The following NRG1 variants were observed in gnomAD, a reference collection of about 807,000 sequenced individuals.
NRG1 encodes the protein pro-neuregulin-1, membrane-bound isoform.
Under a neutral mutation model 63.8 loss-of-function variants are expected in NRG1, and 18 were observed. That is an observed-to-expected ratio of 0.28 (90% CI 0.19 to 0.42). The LOEUF is 0.42. NRG1 is among the 10% of genes least tolerant of loss of function. NRG1 has a pLI of 1.00. For synonymous variants in NRG1, 302 were observed against 301.3 expected, an observed-to-expected ratio of 1.00 and a Z score of -0.02; for missense variants, 762 against 814.7, an observed-to-expected ratio of 0.94 and a Z score of 0.79.
At chr8:32,372,571 C>T (rs566882154) in intron 1 of NRG1, among the ~76,000 whole-genome samples, 9 of 151,878 alleles carry the variant, frequency 5.9e-5, no homozygotes, top group Non-Finnish European at 7.4e-5. Flanking sequence ...AATTTGCGGG[C>T]GGGATAGGGG....
At chr8:32,077,110 T>G (rs1826687843) in intron 1 of NRG1, among the ~76,000 whole-genome samples, 1 of 152,212 alleles carries the variant, frequency 6.6e-6, no homozygotes, top group Non-Finnish European at 1.5e-5. Context: ...CTCACGCCTG[T>G]AATCCCAGCA....
Position 31,764,005 on chromosome 8 carries a change from C to CAAA in NRG1, c.37+124590_37+124592dup, listed in dbSNP as rs559731505. 4.4e-4 allele frequency among the ~76,000 whole-genome samples: 27 copies of CAAA among 61,192 alleles called. 2 individuals carry two copies. Among genetic ancestry groups the CAAA allele is most frequent in the Middle Eastern group, 0.01 (1 of 96 alleles). 40.1% of individuals were successfully genotyped at this position (61,192 alleles called of 152,430 possible). On this transcript the variant is annotated intron_variant, in intron 1 of 10. Transcript: ENST00000519301. ...TGGGTGACAGAGCAAGACTCCATCT[C>CAAA]AAAAAAAAAAAAAAAAAAGATAGTT...
At chr8:31,914,830 T>C (rs1371926568) in intron 1 of NRG1, among the ~76,000 whole-genome samples, 4 of 152,106 alleles carry the variant, frequency 2.6e-5, no homozygotes, top group Non-Finnish European at 5.9e-5. Flanking sequence ...GTAGTTTAAT[T>C]ATTTAACTGA....
At chr8:32,216,887 G>A (rs1156606856) in intron 1 of NRG1, among the ~76,000 whole-genome samples, 1 of 151,802 alleles carries the variant, frequency 6.6e-6, no homozygotes, top group South Asian at 2.1e-4. Context: ...TGTTTTCAAG[G>A]CCATGGTTCT....
intron 1 of NRG1, among the ~76,000 whole-genome samples, chr8:32,354,293 C>T (rs1055260458): frequency 3.3e-5 from 5 of 151,994 alleles, no homozygotes; most frequent in East Asian, 1.9e-4. Flanking sequence ...CGCTAGAACC[C>T]GGGAGGCAGA....
chr8:32,091,990 A>G (rs537057732), intron 1 of NRG1, among the ~76,000 whole-genome samples: 2 of 152,312 alleles, frequency 1.3e-5, no homozygotes, highest in African/African-American at 4.8e-5. Flanking sequence ...TTAGACAGCC[A>G]GAGATTGAAA....
At chr8:32,263,840 A>G (rs1035822478) in intron 1 of NRG1, among the ~76,000 whole-genome samples, 1 of 152,150 alleles carries the variant, frequency 6.6e-6, no homozygotes, top group Non-Finnish European at 1.5e-5. Context: ...TAAAAGTCCA[A>G]AAGATTTATT....
intron 5 of NRG1, among the ~76,000 whole-genome samples, chr8:32,619,589 A>T (rs2439276): frequency 0.11 from 16,567 of 152,174 alleles, 924 homozygotes; most frequent in African/African-American, 0.13. Context: ...GTGGCAAAAA[A>T]GTCAGTCTGT....
intron 1 of NRG1, among the ~76,000 whole-genome samples, chr8:32,539,470 G>C (rs1232903108): frequency 1.3e-5 from 2 of 152,174 alleles, no homozygotes; most frequent in East Asian, 1.9e-4. Context: ...CAGGTGGCTG[G>C]AGGCAGGTGA....
At chr8:32,164,867 G>T (rs776663005) in intron 1 of NRG1, among the ~76,000 whole-genome samples, 2 of 152,082 alleles carry the variant, frequency 1.3e-5, no homozygotes, top group Non-Finnish European at 2.9e-5. Flanking sequence ...TCTCTCAGAG[G>T]TTATTATATC....
intron 1 of NRG1, among the ~76,000 whole-genome samples, chr8:31,899,845 G>T (rs1438628706): frequency 6.6e-6 from 1 of 151,388 alleles, no homozygotes; most frequent in Non-Finnish European, 1.5e-5. Context: ...AAAAATAAAA[G>T]AAATAGAATG....
At chr8:31,937,571 T>G (rs1236419036) in intron 1 of NRG1, among the ~76,000 whole-genome samples, 2 of 152,148 alleles carry the variant, frequency 1.3e-5, no homozygotes, top group Non-Finnish European at 2.9e-5. Context: ...GTCGAAAAAC[T>G]GTGAGTCTGC....
intron 1 of NRG1, among the ~76,000 whole-genome samples, chr8:32,519,040 T>A (rs933450168): frequency 6.6e-6 from 1 of 152,194 alleles, no homozygotes; most frequent in Non-Finnish European, 1.5e-5. Context: ...ATAATAGCAA[T>A]GTATCAGTTT....
intron 1 of NRG1, among the ~76,000 whole-genome samples, chr8:31,861,214 C>T (rs953684529): frequency 1.2e-4 from 18 of 152,090 alleles, no homozygotes; most frequent in African/African-American, 4.3e-4. Context: ...CAAACCTATA[C>T]CTCTCCCCTT....
intron 1 of NRG1, among the ~76,000 whole-genome samples, chr8:31,808,844 A>G (rs934126175): frequency 1.1e-4 from 16 of 152,042 alleles, no homozygotes; most frequent in Non-Finnish European, 2.1e-4. Context: ...TTAGATGTGA[A>G]CATAAGGTGT....
At chr8:32,710,025 T>C (rs1483334697) in intron 5 of NRG1, among the ~76,000 whole-genome samples, 1 of 152,208 alleles carries the variant, frequency 6.6e-6, no homozygotes, top group Non-Finnish European at 1.5e-5. Flanking sequence ...ATGATCCTCA[T>C]ATGTAATTTA....
chr8:32,247,538 T>C lies in NRG1; in HGVS notation c.38-348290T>C, dbSNP rs1848702704. Among the ~76,000 whole-genome samples, 3 of 152,090 alleles carry C rather than the reference T, an allele frequency of 2.0e-5. No homozygotes were observed. The South Asian group carries it at 6.2e-4, about 31-fold the overall frequency. ...GCCCTCTGGGAGATATCAAAGACAGTTTCAGATGCAATAGATATCACTTAG... is the reference window on the plus strand; with the variant it reads ...GCCCTCTGGGAGATATCAAAGACAGCTTCAGATGCAATAGATATCACTTAG... On this transcript the variant is annotated intron_variant, in intron 1 of 10. Coordinates refer to the NRG1 transcript ENST00000519301.
intron 1 of NRG1, among the ~76,000 whole-genome samples, chr8:32,116,391 A>G (rs1832714178): frequency 6.6e-6 from 1 of 152,180 alleles, no homozygotes; most frequent in African/African-American, 2.4e-5. Flanking sequence ...CTACAGCACT[A>G]AATGATGTTT....
At chr8:32,147,954 G>T (rs1344980609) in intron 1 of NRG1, among the ~76,000 whole-genome samples, 1 of 151,960 alleles carries the variant, frequency 6.6e-6, no homozygotes, top group Non-Finnish European at 1.5e-5. Context: ...TTATAAAATG[G>T]GGATGATAAC....
Sources: allele counts gnomAD v4.1 joint callset (sites outside exome capture counted in the v4.1 genomes callset), GRCh38; gene constraint gnomAD v4.1.1; transcripts MANE v1.5; gene names NCBI Gene and HGNC (gene_info 2026-07-23, HGNC 2026-07-21).